The following CDS2 variants were observed in gnomAD, a reference collection of about 807,000 sequenced individuals.
CDS2 encodes the protein phosphatidate cytidylyltransferase 2.
A neutral mutation model predicts 59.0 loss-of-function variants in CDS2; 47 were observed. The observed-to-expected ratio is 0.80, with a 90% CI of 0.63 to 1.02. The LOEUF (loss-of-function observed/expected upper bound fraction) is 1.02, where lower values mean the gene tolerates loss of function less well. Among genes scored for constraint, CDS2 ranks in the 50% least tolerant of loss-of-function variants. The pLI, the probability that CDS2 is intolerant of heterozygous loss-of-function variation, is 0.00. For synonymous variants in CDS2, 207 were observed against 206.4 expected (o/e 1.00, Z -0.02); for missense variants, 356 against 558.9 (o/e 0.64, Z 3.66).
At chr20:5,154,729 C>T (rs1364948484) in intron 1 of CDS2, among the ~76,000 whole-genome samples, 1 of 152,218 alleles carries the variant, frequency 6.6e-6, no homozygotes, top group East Asian at 1.9e-4. Context: ...CTCACTGCAG[C>T]TTCCACCTCC....
At chr20:5,180,651 C>T (rs1283237234) in intron 5 of CDS2, among the ~76,000 whole-genome samples, 1 of 152,122 alleles carries the variant, frequency 6.6e-6, no homozygotes, top group African/African-American at 2.4e-5. Context: ...TGTGTGACCT[C>T]CTATCTCATC....
At position 5,186,707 on chromosome 20, in the gene CDS2, G is replaced by A; in HGVS notation, c.849G>A (p.Gly283=). Reference sequence around the variant, plus strand: ...CTCAGCTGTCCTATGTGATGTCCGGGTACAGATGCTTTGTCTGCCCTGTGG... The same window carrying A: ...CTCAGCTGTCCTATGTGATGTCCGGATACAGATGCTTTGTCTGCCCTGTGG... ...FGLLLSYVMS[G]YRCFVCPVEY... Residue 283 remains glycine (G), a synonymous_variant, in exon 10 of 13, where the codon GGG becomes GGA. Transcript: ENST00000460006. 6.2e-7 allele frequency: 1 copy of A among 1,614,012 alleles called. No homozygotes were observed. Among genetic ancestry groups the A allele is most frequent in the Non-Finnish European group, 8.5e-7 (1 of 1,179,982 alleles).
At chr20:5,154,655 G>T (rs933490277) in intron 1 of CDS2, among the ~76,000 whole-genome samples, 6 of 152,102 alleles carry the variant, frequency 3.9e-5, no homozygotes, top group Non-Finnish European at 7.4e-5. Context: ...TTGTTTGTTT[G>T]TTTGTTTTAT....
intron 1 of CDS2, among the ~76,000 whole-genome samples, chr20:5,170,831 GAA>G (rs2090951028): frequency 6.6e-6 from 1 of 151,920 alleles, no homozygotes; most frequent in Admixed American, 6.6e-5. Context: ...TAATAAAGAA[GAA>G]AAGAGAGAAG....
At chr20:5,136,709 T>G (rs1437832913) in intron 1 of CDS2, among the ~76,000 whole-genome samples, 1 of 151,764 alleles carries the variant, frequency 6.6e-6, no homozygotes, top group Non-Finnish European at 1.5e-5. Context: ...ATTGGGGGGG[T>G]GGGGTGGAGT....
chr20:5,128,544 C>A (rs768411988), intron 1 of CDS2: 3 of 152,136 alleles, frequency 2.0e-5, no homozygotes, highest in Non-Finnish European at 4.4e-5. Flanking sequence ...TCTAGGGAGG[C>A]TGAGGCAGGA....
chr20:5,158,403 C>T (rs1335050775), intron 1 of CDS2, among the ~76,000 whole-genome samples: 1 of 152,058 alleles, frequency 6.6e-6, no homozygotes, highest in Non-Finnish European at 1.5e-5. Context: ...AGCACGTGAC[C>T]TCAAGTGATC....
At chr20:5,135,456 G>GT (rs982724925) in intron 1 of CDS2, among the ~76,000 whole-genome samples, 7 of 139,400 alleles carry the variant, frequency 5.0e-5, no homozygotes, top group African/African-American at 2.4e-4. Context: ...CTGTTTGTGT[G>GT]TCATACTGCC....
intron 10 of CDS2, among the ~76,000 whole-genome samples, chr20:5,188,695 T>C (rs2091089026): frequency 6.6e-6 from 1 of 152,194 alleles, no homozygotes; most frequent in South Asian, 2.1e-4. Flanking sequence ...GGCTGAGAAG[T>C]GTGAGAAGTG....
chr20:5,190,313 A>T lies in CDS2; in HGVS notation c.*79A>T. The T allele has an allele frequency of 1.5e-6, 2 of 1,316,184 alleles. No individual in the cohort carries two copies. Among genetic ancestry groups the T allele is most frequent in the Non-Finnish European group, 1.0e-6 (1 of 964,002 alleles). The allele number at this position is 1,316,184 out of a possible 1,614,324, so 81.5% of individuals were successfully genotyped here. ...AAGGCAAGCCCAGCTGGTGTGACTT[A>T]GACAATGACGAGGCTTCAACTCACT... is the stretch of plus-strand genomic sequence containing the variant. On this transcript the variant is annotated 3_prime_UTR_variant, in exon 13 of 13. Transcript: ENST00000460006.
rs1284709658 is a variant in CDS2, at chr20:5,190,879, A to G, written c.*645A>G. On this transcript the variant is annotated 3_prime_UTR_variant, in exon 13 of 13. Coordinates refer to ENST00000460006, the MANE Select transcript of CDS2 (RefSeq NM_003818.4). Reference sequence around the variant, plus strand: ...GTTTTTATTTTTTTCAGAAAGCACGAAAAATTATTTATAATAGTCTGGAGA... The same window carrying G: ...GTTTTTATTTTTTTCAGAAAGCACGGAAAATTATTTATAATAGTCTGGAGA... 1 of 152,462 alleles carries G rather than the reference A, an allele frequency of 6.6e-6. No homozygotes were observed. The highest frequency in any genetic ancestry group is 2.4e-5 in the African/African-American group (1 of 41,278). 9.4% of individuals were successfully genotyped at this position (152,462 alleles called of 1,614,324 possible).
At chr20:5,132,388 G>A (rs1463423290) in intron 1 of CDS2, among the ~76,000 whole-genome samples, 1 of 152,112 alleles carries the variant, frequency 6.6e-6, no homozygotes, top group Admixed American at 6.5e-5. Context: ...GTGAGCCACC[G>A]CGCCCGGCCT....
At chr20:5,147,062 T>C (rs1470352480) in intron 1 of CDS2, among the ~76,000 whole-genome samples, 1 of 152,228 alleles carries the variant, frequency 6.6e-6, no homozygotes, top group African/African-American at 2.4e-5. Flanking sequence ...AATTTGCATG[T>C]TCTTACCTAA....
chr20:5,145,213 G>A (rs1028754816), intron 1 of CDS2, among the ~76,000 whole-genome samples: 1 of 150,904 alleles, frequency 6.6e-6, no homozygotes, highest in Non-Finnish European at 1.5e-5. Context: ...CCTCATTTTA[G>A]GGCGAATGGG....
chr20:5,142,442 A>G (rs2090702586), intron 1 of CDS2, among the ~76,000 whole-genome samples: 1 of 151,150 alleles, frequency 6.6e-6, no homozygotes, highest in Non-Finnish European at 1.5e-5. Context: ...GCAAGACTCC[A>G]TCTAAAAAAA....
chr20:5,136,633 C>T (rs2090652094), intron 1 of CDS2, among the ~76,000 whole-genome samples: 3 of 152,130 alleles, frequency 2.0e-5, no homozygotes, highest in Non-Finnish European at 4.4e-5. Flanking sequence ...AGGATTTGCT[C>T]TAGGTCCCTC....
chr20:5,190,267 A>G lies in CDS2; in HGVS notation c.*33A>G. 1 of 1,599,718 alleles carries G rather than the reference A, an allele frequency of 6.3e-7. No homozygotes were observed. The highest frequency in any genetic ancestry group is 1.1e-5 in the South Asian group (1 of 89,742). ...CCAGGGCCAGGAGAACAGGAACAGAACTGAGCAGGGGCAGGTCTCCAAGGC... is the reference window on the plus strand; with the variant it reads ...CCAGGGCCAGGAGAACAGGAACAGAGCTGAGCAGGGGCAGGTCTCCAAGGC... On this transcript the variant is annotated 3_prime_UTR_variant, in exon 13 of 13. Transcript: ENST00000460006.
At chr20:5,157,985 G>A (rs555946879) in intron 1 of CDS2, among the ~76,000 whole-genome samples, 142 of 152,128 alleles carry the variant, frequency 9.3e-4, no homozygotes, top group African/African-American at 3.3e-3. Context: ...TCTGACCCAC[G>A]ACCCAACACA....
intron 1 of CDS2, among the ~76,000 whole-genome samples, chr20:5,148,343 C>T (rs59725488): frequency 0.096 from 14,534 of 152,128 alleles, 808 homozygotes; most frequent in Middle Eastern, 0.17. Context: ...TATGGGGGCA[C>T]TTCTCTCTGG....
Sources: allele counts gnomAD v4.1 joint callset (sites outside exome capture counted in the v4.1 genomes callset), GRCh38; gene constraint gnomAD v4.1.1; transcripts MANE v1.5; gene names NCBI Gene and HGNC (gene_info 2026-07-23, HGNC 2026-07-21).